DLG1: variants seen among roughly 807,000 people sequenced by gnomAD.
DLG1 encodes disks large homolog 1.
In DLG1, 42 loss-of-function variants were observed where a neutral mutation model predicts 123.4. That is an observed-to-expected ratio of 0.34 (90% CI 0.27 to 0.44). DLG1 has a LOEUF of 0.44. DLG1 is among the 20% of genes least tolerant of loss of function. DLG1 has a pLI of 1.00. For missense variants in DLG1, 942 were observed against 1,082.6 expected, an observed-to-expected ratio of 0.87 and a Z score of 1.82; for synonymous variants, 317 against 356.2, an observed-to-expected ratio of 0.89 and a Z score of 1.24.
intron 4 of DLG1, among the ~76,000 whole-genome samples, chr3:197,250,960 G>A (rs760595028): frequency 7.0e-6 from 1 of 142,786 alleles, no homozygotes; most frequent in African/African-American, 2.6e-5. Context: ...TCCAGCCTGG[G>A]CAACAGAGCA....
chr3:197,144,935 G>A (rs1426241640), intron 6 of DLG1, among the ~76,000 whole-genome samples: 1 of 152,106 alleles, frequency 6.6e-6, no homozygotes. Flanking sequence ...TCCTGCCTTA[G>A]CCTCTTGAGT....
intron 23 of DLG1, among the ~76,000 whole-genome samples, chr3:197,054,817 G>A (rs914178215): frequency 1.3e-5 from 2 of 150,204 alleles, no homozygotes; most frequent in African/African-American, 4.9e-5. Context: ...GCTAATTTTT[G>A]TTTATTTTTT....
At chr3:197,087,858 C>G (rs1400125169) in intron 15 of DLG1, among the ~76,000 whole-genome samples, 1 of 152,130 alleles carries the variant, frequency 6.6e-6, no homozygotes, top group African/African-American at 2.4e-5. Flanking sequence ...CTTAGACCAA[C>G]CCCACCAAAG....
intron 4 of DLG1, chr3:197,226,147 T>C (rs1030260202): frequency 6.6e-6 from 1 of 152,244 alleles, no homozygotes; most frequent in Non-Finnish European, 1.5e-5. Flanking sequence ...GTCGGTATAC[T>C]ATGATTGGAA....
In DLG1 at chr3:197,154,824, A is replaced by C. The variant is rs145453405; in HGVS notation, c.484-5028T>G. Among the ~76,000 whole-genome samples, 673 of 152,330 alleles carry C rather than the reference A, an allele frequency of 4.4e-3. 2 individuals are homozygous for C. The highest frequency in any genetic ancestry group is 0.015 in the African/African-American group (605 of 41,582). ...AAATTCACTGGAGAGATTCAAAAGC[A>C]TATCTGAGCAGGTAAAAAAAGTAGT... On this transcript the variant is annotated intron_variant, in intron 5 of 24. Transcript: ENST00000667157.
chr3:197,290,181 G>A (rs1211382042), intron 3 of DLG1, among the ~76,000 whole-genome samples: 1 of 152,086 alleles, frequency 6.6e-6, no homozygotes, highest in Non-Finnish European at 1.5e-5. Context: ...ACAGGTATCT[G>A]CAAGTTCATG....
chr3:197,136,504 CA>C (rs1264574708), intron 10 of DLG1, 37 bp downstream of exon 10: 1 of 1,559,638 alleles, frequency 6.4e-7, no homozygotes, highest in East Asian at 2.3e-5. Flanking sequence ...AAACAGACTA[CA>C]AAATGATTTA....
chr3:197,277,738 GCTT>G (rs1270000329), intron 4 of DLG1, among the ~76,000 whole-genome samples: 1 of 151,818 alleles, frequency 6.6e-6, no homozygotes, highest in African/African-American at 2.4e-5. Flanking sequence ...CTTTACTCTT[GCTT>G]TTTTTTAAGT....
chr3:197,218,847 C>T (rs1042091295), intron 4 of DLG1, among the ~76,000 whole-genome samples: 4 of 152,266 alleles, frequency 2.6e-5, no homozygotes, highest in Middle Eastern at 3.4e-3. Context: ...GAAATTAAAA[C>T]TCGGCCGGGT....
At chr3:197,276,745 C>CA (rs1291717220) in intron 4 of DLG1, among the ~76,000 whole-genome samples, 1 of 152,074 alleles carries the variant, frequency 6.6e-6, no homozygotes, top group Non-Finnish European at 1.5e-5. Flanking sequence ...AGAAGTTCTA[C>CA]AATCAAAATT....
intron 4 of DLG1, among the ~76,000 whole-genome samples, chr3:197,267,760 C>A (rs867839900): frequency 6.6e-6 from 1 of 152,184 alleles, no homozygotes; most frequent in East Asian, 1.9e-4. Context: ...CCCGAGATAA[C>A]CTCTTTTAAC....
At chr3:197,183,769 G>A (rs1158584911) in intron 5 of DLG1, 4 of 1,550,344 alleles carry the variant, frequency 2.6e-6, no homozygotes, top group African/African-American at 2.7e-5. Flanking sequence ...CGACTGCCGC[G>A]AGAGTATAGA....
chr3:197,081,760 G>A (rs1359494865), intron 16 of DLG1, among the ~76,000 whole-genome samples: 1 of 152,188 alleles, frequency 6.6e-6, no homozygotes, highest in Non-Finnish European at 1.5e-5. Context: ...CTATGGAGGT[G>A]AAATGGGTGT....
chr3:197,297,775 GC>G, intron 1 of DLG1: 1 of 985,658 alleles, frequency 1.0e-6, no homozygotes, highest in Non-Finnish European at 1.2e-6. Context: ...ACCTCCGCGG[GC>G]CCCCACACCT....
intron 4 of DLG1, among the ~76,000 whole-genome samples, chr3:197,215,526 C>T (rs1451750622): frequency 6.6e-6 from 1 of 152,134 alleles, no homozygotes; most frequent in African/African-American, 2.4e-5. Context: ...ACAGAAAACA[C>T]TGGTAATTTG....
intron 18 of DLG1, among the ~76,000 whole-genome samples, chr3:197,074,312 T>G (rs1433298983): frequency 2.6e-5 from 4 of 152,132 alleles, no homozygotes; most frequent in Non-Finnish European, 4.4e-5. Context: ...TAAAATCTTT[T>G]TCTGAATAAC....
intron 4 of DLG1, among the ~76,000 whole-genome samples, chr3:197,234,270 C>T (rs1278624875): frequency 6.6e-6 from 1 of 152,160 alleles, no homozygotes; most frequent in African/African-American, 2.4e-5. Flanking sequence ...GGCTTACAAC[C>T]CCAGATGATC....
At chr3:197,108,914 T>A (rs1768192245) in intron 13 of DLG1, among the ~76,000 whole-genome samples, 1 of 152,224 alleles carries the variant, frequency 6.6e-6, no homozygotes, top group Admixed American at 6.5e-5. Context: ...ATTTGTTCTA[T>A]GTCTTTTCTT....
At chr3:197,297,668 C>T (rs1778169142) in intron 1 of DLG1, 4 of 990,756 alleles carry the variant, frequency 4.0e-6, no homozygotes, top group Non-Finnish European at 3.6e-6. Context: ...CCTCCTCTCG[C>T]TTGCCTTTCT....
Sources: allele counts gnomAD v4.1 joint callset (sites outside exome capture counted in the v4.1 genomes callset), GRCh38; gene constraint gnomAD v4.1.1; transcripts MANE v1.5; gene names NCBI Gene and HGNC (gene_info 2026-07-23, HGNC 2026-07-21).